The following DAZAP1 variants were observed in gnomAD, a reference collection of about 807,000 sequenced individuals.
DAZAP1 encodes DAZ-associated protein 1.
In DAZAP1, 6 loss-of-function variants were observed where a neutral mutation model predicts 60.1. The ratio of observed to expected loss-of-function variants is 0.10; its 90% CI spans 0.05 to 0.20. The LOEUF is 0.20. Ranked by LOEUF, DAZAP1 falls within the 10% of genes least tolerant of loss-of-function variation. The probability of loss-of-function intolerance (pLI) is 1.00; values close to 1 mark genes in which losing one functional copy is unlikely to be tolerated. For missense variants in DAZAP1, 366 were observed against 560.4 expected (o/e 0.65, Z 3.50); for synonymous variants, 235 against 215.9 (o/e 1.09, Z -0.78).
At position 1,432,987 on chromosome 19, in the gene DAZAP1, G is replaced by A. The variant is rs1024321307; in HGVS notation, c.1048+297G>A. The A allele has an allele frequency of 7.5e-6, 3 of 402,450 alleles. No homozygotes were observed. The highest frequency in any genetic ancestry group is 1.4e-5 in the Non-Finnish European group (3 of 221,878). The allele number at this position is 402,450 out of a possible 1,614,324, so 24.9% of individuals were successfully genotyped here. On this transcript the variant is annotated intron_variant, in intron 11 of 11. Transcript: ENST00000233078. The surrounding 1 kb of genome is among the most constrained non-coding windows in gnomAD (Gnocchi z 4.9). ...GGTCGAGGGAAGTGAGTCGCAGGCA[G>A]CTGTGATCACTGTCTAGAGGTTCAG...
At position 1,407,645 on chromosome 19, in the gene DAZAP1, C is replaced by CCGCCG. The variant is rs1491568909; in HGVS notation, c.-127_-123dup. On this transcript the variant is annotated 5_prime_UTR_variant, in exon 1 of 12. Transcript: ENST00000233078. ...GCCGCCGCCGCCGCCGCCGCCGCCG[C>CCGCCG]CGCCGCCGCCGCCGCCGTTGCGCAG... 4 of 937,120 alleles carry CCGCCG rather than the reference C, an allele frequency of 4.3e-6. No individual in the cohort carries two copies. Among genetic ancestry groups the CCGCCG allele is most frequent in the Admixed American group, 6.1e-5 (1 of 16,388 alleles). The allele number at this position is 937,120 out of a possible 1,614,324, so 58.1% of individuals were successfully genotyped here.
chr19:1,418,138 A>G lies in DAZAP1; in HGVS notation c.71-66A>G, dbSNP rs1600205852. 1 of 1,544,040 alleles carries G rather than the reference A, an allele frequency of 6.5e-7. No homozygotes were observed. The highest frequency in any genetic ancestry group is 8.9e-7 in the Non-Finnish European group (1 of 1,121,652). On this transcript the variant is annotated intron_variant, in intron 2 of 11. Coordinates refer to ENST00000233078, the MANE Select transcript of DAZAP1 (RefSeq NM_018959.4). The surrounding 1 kb of genome is among the most constrained non-coding windows in gnomAD (Gnocchi z 5.7). ...CTGGAGGAGTGTGCGTGCCGGCAGC[A>G]CTGCCAGGCACGTGCCTAATGCTCT...
chr19:1,420,639 C>T (rs1157332963), intron 4 of DAZAP1, among the ~76,000 whole-genome samples: 1 of 152,160 alleles, frequency 6.6e-6, no homozygotes, highest in Non-Finnish European at 1.5e-5. Context: ...GGCGCCCTTG[C>T]CAGTGGGAGG....
Position 1,434,861 on chromosome 19 carries a change from T to G in DAZAP1, c.1173T>G (p.Phe391Leu). The part of the protein sequence containing the change: ...SGGPPAGGSG[F>L]GRGQNHNVQG... ...GCCCCCCCGCCGGCGGCAGCGGCTT[T>G]GGACGAGGGCAGAACCACAACGTGC... The change falls in exon 12 of 12, where the codon TTT becomes TTG. Residue 391 changes from phenylalanine (F) to leucine (L), a missense_variant. Coordinates refer to ENST00000233078, the MANE Select transcript of DAZAP1 (RefSeq NM_018959.4). The surrounding 1 kb of genome is among the most constrained non-coding windows in gnomAD (Gnocchi z 8.0). The G allele has an allele frequency of 6.2e-7, 1 of 1,601,520 alleles. No homozygotes were observed. Among genetic ancestry groups the G allele is most frequent in the African/African-American group, 1.3e-5 (1 of 74,364 alleles).
chr19:1,433,515 G>A lies in DAZAP1; in HGVS notation c.1048+825G>A. ...TGTGGGAGCTGTGTTCGGCCGAGGT[G>A]CCCGCCCACCCACCTCGCATGGCTG... On this transcript the variant is annotated intron_variant, in intron 11 of 11. Coordinates refer to ENST00000233078, the MANE Select transcript of DAZAP1 (RefSeq NM_018959.4). This position sits in a 1 kb window ranked among gnomAD's most constrained non-coding sequence, Gnocchi z 6.1. 1.8e-6 allele frequency: 1 copy of A among 564,568 alleles called. No individual in the cohort carries two copies. Among genetic ancestry groups the A allele is most frequent in the Non-Finnish European group, 3.2e-6 (1 of 314,844 alleles). The allele number at this position is 564,568 out of a possible 1,614,324, so 35.0% of individuals were successfully genotyped here.
Position 1,432,412 on chromosome 19 carries a change from G to C in DAZAP1, c.872-102G>C, listed in dbSNP as rs746557502. 7.6e-5 allele frequency: 97 copies of C among 1,273,796 alleles called. No individual in the cohort carries two copies. The highest frequency in any genetic ancestry group is 1.0e-4 in the Non-Finnish European group (92 of 885,290). The allele number at this position is 1,273,796 out of a possible 1,614,324, so 78.9% of individuals were successfully genotyped here. A position where few individuals can be genotyped will look rare whatever the true frequency, so the allele number is the denominator to read the frequency against. ...GGGCGTTCTGTGGGTTTGGGTGGCA[G>C]TCCCGTCTGGGCAGCTCCTGCTGGG... On this transcript the variant is annotated intron_variant, in intron 10 of 11. Coordinates refer to ENST00000233078, the MANE Select transcript of DAZAP1 (RefSeq NM_018959.4). This position sits in a 1 kb window ranked among gnomAD's most constrained non-coding sequence, Gnocchi z 4.9.
At chr19:1,430,930 C>G (rs368544922) in intron 10 of DAZAP1, among the ~76,000 whole-genome samples, 91 of 148,820 alleles carry the variant, frequency 6.1e-4, no homozygotes, top group African/African-American at 2.1e-3. Flanking sequence ...ACCATGTTAG[C>G]CAGGGTGGTC....
chr19:1,418,326 G>T lies in DAZAP1; in HGVS notation c.193G>T (p.Gly65Trp). ...FVKFKDPNCV[G>W]TVLASRPHTL... is the part of the protein sequence containing the mutation. The stretch of plus-strand genomic sequence containing the variant: ...CAAATTTAAAGACCCAAACTGTGTG[G>T]GGACGGTGCTGGCCAGCAGACCGCA... Residue 65 changes from glycine (G) to tryptophan (W), a missense_variant, in exon 3 of 12, where the codon GGG (glycine) becomes TGG (tryptophan). By Grantham distance (184) the Gly-to-Trp change is radical. Transcript: ENST00000233078. This position sits in a 1 kb window ranked among gnomAD's most constrained non-coding sequence, Gnocchi z 5.7. 2 of 1,614,202 alleles carry T rather than the reference G, an allele frequency of 1.2e-6. No homozygotes were observed. Among genetic ancestry groups the T allele is most frequent in the Non-Finnish European group, 1.7e-6 (2 of 1,180,042 alleles).
At chr19:1,424,948 A>G (rs763082872) in intron 6 of DAZAP1, among the ~76,000 whole-genome samples, 1 of 152,080 alleles carries the variant, frequency 6.6e-6, no homozygotes, top group Non-Finnish European at 1.5e-5. Flanking sequence ...CTAGAGGAGG[A>G]GACCCGCCCC....
rs1473426075 is a variant in DAZAP1 at position 1,430,382 on chromosome 19, T to TCTA, written c.871+20_871+21insCTA. 1.4e-6 allele frequency: 2 copies of TCTA among 1,477,506 alleles called. No homozygotes were observed. Among genetic ancestry groups the TCTA allele is most frequent in the Non-Finnish European group, 1.8e-6 (2 of 1,116,896 alleles). 91.5% of individuals were successfully genotyped at this position (1,477,506 alleles called of 1,614,324 possible). A position where few individuals can be genotyped will look rare whatever the true frequency, so the allele number is the denominator to read the frequency against. ...AGTTCAGTAAGTCTAGGGGGCCTTGTGGGAGGGCCTCCCGCCTGCTCCGGA... is the reference window on the plus strand; with the variant it reads ...AGTTCAGTAAGTCTAGGGGGCCTTGTCTAGGGAGGGCCTCCCGCCTGCTCCGGA... On this transcript the variant is annotated intron_variant, in intron 10 of 11. Transcript: ENST00000233078.
intron 1 of DAZAP1, among the ~76,000 whole-genome samples, chr19:1,412,456 G>C (rs910505604): frequency 3.3e-5 from 5 of 152,230 alleles, no homozygotes; most frequent in African/African-American, 1.2e-4. Flanking sequence ...GACTGGCGGA[G>C]CCCAGAGCCA....
In DAZAP1 at chr19:1,430,270, C is replaced by CCCCCATAAACA; in HGVS notation, c.779_780insCCCCATAAACA (p.Phe262IlefsTer77). The CCCCCATAAACA allele has an allele frequency of 7.3e-7, 1 of 1,368,654 alleles. No homozygotes were observed. The highest frequency in any genetic ancestry group is 1.0e-6 in the Non-Finnish European group (1 of 979,208). The allele number at this position is 1,368,654 out of a possible 1,614,324, so 84.8% of individuals were successfully genotyped here. A position where few individuals can be genotyped will look rare whatever the true frequency, so the allele number is the denominator to read the frequency against. On this transcript the variant is annotated frameshift_variant, in exon 10 of 12. Coordinates refer to ENST00000233078, the MANE Select transcript of DAZAP1 (RefSeq NM_018959.4). LOFTEE classifies it high-confidence loss of function. ...GGAAGAGGAGCCCCCCCGCCACCCC[C>CCCCCATAAACA]ACCGTTCACCTCCTACATCGTGTCC...
Position 1,432,324 on chromosome 19 carries a change from T to C in DAZAP1, c.872-190T>C. 1 of 647,528 alleles carries C rather than the reference T, an allele frequency of 1.5e-6. No individual in the cohort carries two copies. Among genetic ancestry groups the C allele is most frequent in the Non-Finnish European group, 2.7e-6 (1 of 366,866 alleles). 40.1% of individuals were successfully genotyped at this position (647,528 alleles called of 1,614,324 possible). On this transcript the variant is annotated intron_variant, in intron 10 of 11. Transcript: ENST00000233078. The surrounding 1 kb of genome is among the most constrained non-coding windows in gnomAD (Gnocchi z 4.9). ...CGCCACGCTCCCAGGAGTGTGTGTT[T>C]CCTGGGGGGAGCGGCCCGGGACCGT...
In DAZAP1 at chr19:1,432,947, C is replaced by T. The variant is rs571781421; in HGVS notation, c.1048+257C>T. 2.6e-5 allele frequency: 13 copies of T among 490,922 alleles called. No homozygotes were observed. Among genetic ancestry groups the T allele is most frequent in the African/African-American group, 2.0e-4 (10 of 50,918 alleles). The allele number at this position is 490,922 out of a possible 1,614,324, so 30.4% of individuals were successfully genotyped here. A position where few individuals can be genotyped will look rare whatever the true frequency, so the allele number is the denominator to read the frequency against. ...GCTGCAGGGCCTGCATGTGTGGGAA[C>T]CTGAGTGGCGACTGGGTCGAGGGAA... On this transcript the variant is annotated intron_variant, in intron 11 of 11. Transcript: ENST00000233078. The surrounding 1 kb of genome is among the most constrained non-coding windows in gnomAD (Gnocchi z 4.9).
In DAZAP1 at chr19:1,418,390, C is replaced by T; in HGVS notation, c.237+20C>T. 2 of 1,607,288 alleles carry T rather than the reference C, an allele frequency of 1.2e-6. No homozygotes were observed. The highest frequency in any genetic ancestry group is 8.5e-7 in the Non-Finnish European group (1 of 1,175,096). ...CGAAACGTAAGTGCCCTTCCGGGAG[C>T]TCACACCCGCTCTCTGTCTCCCCTG... is the stretch of plus-strand genomic sequence containing the variant. On this transcript the variant is annotated intron_variant, in intron 3 of 11. Transcript: ENST00000233078. This position sits in a 1 kb window ranked among gnomAD's most constrained non-coding sequence, Gnocchi z 5.7.
intron 4 of DAZAP1, 136 bp from the exon 5 acceptor site, chr19:1,421,012 G>A (rs1277178771): frequency 5.8e-6 from 4 of 691,540 alleles, no homozygotes; most frequent in African/African-American, 1.8e-5. Context: ...TGGACTTAGC[G>A]GGCTTGTGGA....
chr19:1,432,331 G>T lies in DAZAP1; in HGVS notation c.872-183G>T. 1.5e-6 allele frequency: 1 copy of T among 659,618 alleles called. No homozygotes were observed. The highest frequency in any genetic ancestry group is 2.7e-5 in the East Asian group (1 of 37,632). 40.9% of individuals were successfully genotyped at this position (659,618 alleles called of 1,614,324 possible). On this transcript the variant is annotated intron_variant, in intron 10 of 11. Transcript: ENST00000233078. The surrounding 1 kb of genome is among the most constrained non-coding windows in gnomAD (Gnocchi z 4.9). The stretch of plus-strand genomic sequence containing the variant: ...CTCCCAGGAGTGTGTGTTTCCTGGG[G>T]GGAGCGGCCCGGGACCGTGGCTCTG...
chr19:1,417,277 G>A (rs777866232), intron 1 of DAZAP1: 301 of 598,658 alleles, frequency 5.0e-4, no homozygotes, highest in Non-Finnish European at 7.7e-4. Flanking sequence ...TCTGTGGCAC[G>A]GTCCTCTCCC....
At chr19:1,415,102 C>T (rs533840132) in intron 1 of DAZAP1, among the ~76,000 whole-genome samples, 20 of 152,262 alleles carry the variant, frequency 1.3e-4, no homozygotes, top group African/African-American at 3.4e-4. Flanking sequence ...CTAACCCCCC[C>T]GGCCCTGTTT....
Sources: allele counts gnomAD v4.1 joint callset (sites outside exome capture counted in the v4.1 genomes callset), GRCh38; gene constraint gnomAD v4.1.1; non-coding constraint Gnocchi (gnomAD v3.1); transcripts MANE v1.5; gene names NCBI Gene and HGNC (gene_info 2026-07-23, HGNC 2026-07-21).